TTF1: variants seen among roughly 807,000 people sequenced by gnomAD.
TTF1 encodes transcription termination factor 1.
Under a neutral mutation model 80.2 loss-of-function variants are expected in TTF1, and 64 were observed. The ratio of observed to expected loss-of-function variants is 0.80; its 90% CI spans 0.65 to 0.98. The LOEUF (loss-of-function observed/expected upper bound fraction) is 0.98, where lower values mean the gene tolerates loss of function less well. Among genes scored for constraint, TTF1 ranks in the 50% least tolerant of loss-of-function variants. The probability of loss-of-function intolerance (pLI) is 0.00; values close to 1 mark genes in which losing one functional copy is unlikely to be tolerated. For missense variants in TTF1, 1,023 were observed against 1,086.2 expected, an observed-to-expected ratio of 0.94 and a Z score of 0.82; for synonymous variants, 372 against 382.7, an observed-to-expected ratio of 0.97 and a Z score of 0.33.
At chr9:132,401,251 G>A (rs1039055283) in intron 2 of TTF1, among the ~76,000 whole-genome samples, 1 of 151,956 alleles carries the variant, frequency 6.6e-6, no homozygotes, top group Non-Finnish European at 1.5e-5. Flanking sequence ...GCTTGAACCC[G>A]GGAAGTGGAG....
Position 132,402,772 on chromosome 9 carries a change from T to C in TTF1, c.50A>G (p.Lys17Arg). The C allele has an allele frequency of 6.2e-7, 1 of 1,601,050 alleles. No homozygotes were observed. Among genetic ancestry groups the C allele is most frequent in the South Asian group, 1.1e-5 (1 of 88,048 alleles). The change falls in exon 2 of 11, where the codon AAG becomes AGG. Residue 17 changes from lysine to arginine, a missense_variant. Lys to Arg is a conservative substitution (Grantham distance 26). Coordinates refer to ENST00000334270, the MANE Select transcript of TTF1 (RefSeq NM_007344.4). ...ATGTATAGAACACTTTTTCTTTTTC[T>C]TGTCAGAAACTGGAGTGTGGATTTC... ...RFEIHTPVSD[K>R]KKKKCSIHKE...
rs143381254 is a variant in TTF1 at position 132,391,732 on chromosome 9, C to T, written c.1987+344G>A. Among the ~76,000 whole-genome samples the T allele has an allele frequency of 3.5e-3, 534 of 152,336 alleles. 1 individual carries two copies. The highest frequency in any genetic ancestry group is 5.6e-3 in the Non-Finnish European group (383 of 68,030). ...GTCCCCGCCTGACGGGCACGAACTG[C>T]GTGCCTGCCTCCCTCCCAACGTGTC... On this transcript the variant is annotated intron_variant, in intron 6 of 10. Coordinates refer to ENST00000334270, the MANE Select transcript of TTF1 (RefSeq NM_007344.4).
At chr9:132,378,750 G>A (rs560103350) in intron 10 of TTF1, among the ~76,000 whole-genome samples, 2 of 151,966 alleles carry the variant, frequency 1.3e-5, no homozygotes, top group East Asian at 3.9e-4. Context: ...TGTGGTGCAC[G>A]GGCATGTCAT....
At chr9:132,399,310 C>T (rs78990129) in intron 3 of TTF1, among the ~76,000 whole-genome samples, 4,832 of 151,208 alleles carry the variant, frequency 0.032, 136 homozygotes, top group Non-Finnish European at 0.044. Context: ...ATTGTGTGTA[C>T]GTGGGTAGTG....
rs1370151522 is a variant in TTF1 at position 132,398,237 on chromosome 9, C to G, written c.1681G>C (p.Glu561Gln). ...VEDFLALTGI[E>Q]SADKLLYTDR... ...GTGTACAGCAGCTTGTCTGCACTCT[C>G]AATGCCTGTCAGGGCTAGAAAGTCT... The change falls in exon 4 of 11, where the codon GAG becomes CAG. Residue 561 changes from glutamate (E) to glutamine (Q), a missense_variant. Coordinates refer to ENST00000334270, the MANE Select transcript of TTF1 (RefSeq NM_007344.4). 3.1e-6 allele frequency: 5 copies of G among 1,608,396 alleles called. No individual in the cohort carries two copies. The highest frequency in any genetic ancestry group is 4.2e-6 in the Non-Finnish European group (5 of 1,178,350).
rs368739388 is a variant in TTF1 at position 132,383,687 on chromosome 9, G to A, written c.2378+2869C>T. Among the ~76,000 whole-genome samples the A allele has an allele frequency of 3.3e-5, 5 of 152,070 alleles. No individual in the cohort carries two copies. The East Asian group carries it at 9.6e-4, about 29-fold the overall frequency. ...TCGGTGGCAGGTGGGCTGGAGGGAG[G>A]GCTGGTCTGATTTATTTGGTCCAGA... On this transcript the variant is annotated intron_variant, in intron 9 of 10. Coordinates refer to ENST00000334270, the MANE Select transcript of TTF1 (RefSeq NM_007344.4).
At chr9:132,387,297 C>T (rs183781474) in intron 8 of TTF1, among the ~76,000 whole-genome samples, 33 of 152,250 alleles carry the variant, frequency 2.2e-4, no homozygotes, top group East Asian at 2.1e-3. Flanking sequence ...ACCCTCCCCC[C>T]CCAATCTACA....
intron 1 of TTF1, among the ~76,000 whole-genome samples, chr9:132,406,409 C>A (rs1849867864): frequency 1.3e-5 from 2 of 152,134 alleles, no homozygotes; most frequent in Non-Finnish European, 1.5e-5. Context: ...CGAGACCAGC[C>A]TGGCCAACAT....
At chr9:132,401,104 C>T (rs1564190455) in intron 2 of TTF1, among the ~76,000 whole-genome samples, 2 of 151,992 alleles carry the variant, frequency 1.3e-5, no homozygotes, top group Non-Finnish European at 2.9e-5. Flanking sequence ...CTGAGGCAGG[C>T]GGATCACCTG....
intron 3 of TTF1, 151 bp from the exon 4 acceptor site, chr9:132,398,477 GC>G (rs1172457077): frequency 2.7e-6 from 2 of 751,586 alleles, no homozygotes; most frequent in Non-Finnish European, 4.1e-6. Flanking sequence ...TGCAGATTTG[GC>G]CTTTCCTTCA....
At chr9:132,378,618 A>T (rs1435290101) in intron 10 of TTF1, among the ~76,000 whole-genome samples, 14 of 113,098 alleles carry the variant, frequency 1.2e-4, no homozygotes, top group African/African-American at 5.4e-4. Flanking sequence ...ATGTGGTGTG[A>T]GTGCATGTGG....
In TTF1 at chr9:132,392,074, A is replaced by G. The variant is rs767059609; in HGVS notation, c.1987+2T>C. 6.2e-7 allele frequency: 1 copy of G among 1,613,822 alleles called. No individual in the cohort carries two copies. Among genetic ancestry groups the G allele is most frequent in the Non-Finnish European group, 8.5e-7 (1 of 1,179,982 alleles). On this transcript the variant is annotated splice_donor_variant, in intron 6 of 10. Coordinates refer to ENST00000334270, the MANE Select transcript of TTF1 (RefSeq NM_007344.4). LOFTEE classifies it high-confidence loss of function. ...AGGTGGGCACTGGGGGCTGCCACTT[A>G]CGACTGCTGATCTGTGAGAACTTGA... is the stretch of plus-strand genomic sequence containing the variant.
At chr9:132,378,196 C>A (rs1849275054) in intron 10 of TTF1, among the ~76,000 whole-genome samples, 1 of 100,890 alleles carries the variant, frequency 9.9e-6, no homozygotes, top group Non-Finnish European at 1.9e-5. Flanking sequence ...GGTGTGAGTG[C>A]ATGTGCGTGT....
intron 9 of TTF1, among the ~76,000 whole-genome samples, chr9:132,383,739 A>G (rs1174428988): frequency 2.0e-5 from 3 of 152,138 alleles, no homozygotes; most frequent in Non-Finnish European, 4.4e-5. Context: ...TCTCGAATAA[A>G]CACACACATT....
chr9:132,396,324 C>A (rs189334135), intron 5 of TTF1, 109 bp downstream of exon 5: 1 of 1,149,808 alleles, frequency 8.7e-7, no homozygotes, highest in African/African-American at 1.5e-5. Flanking sequence ...TTCACACACA[C>A]AAATCTGCGT....
At chr9:132,378,782 G>A (rs1042576299) in intron 10 of TTF1, among the ~76,000 whole-genome samples, 10 of 151,952 alleles carry the variant, frequency 6.6e-5, no homozygotes, top group African/African-American at 1.5e-4. Context: ...CTGTGTGCAC[G>A]AGTGTGTGTG....
At chr9:132,390,247 T>C (rs1021525559) in intron 7 of TTF1, among the ~76,000 whole-genome samples, 2 of 152,242 alleles carry the variant, frequency 1.3e-5, no homozygotes, top group Non-Finnish European at 2.9e-5. Context: ...CCCAAAGTGT[T>C]GGGATTACAC....
chr9:132,406,364 G>A (rs945759273), intron 1 of TTF1, among the ~76,000 whole-genome samples: 2 of 152,168 alleles, frequency 1.3e-5, no homozygotes, highest in African/African-American at 2.4e-5. Flanking sequence ...CACTTTGAGA[G>A]GCCGAGGCGG....
chr9:132,397,988 A>G (rs2131644471), intron 4 of TTF1, among the ~76,000 whole-genome samples, 153 bp downstream of exon 4: 1 of 151,686 alleles, frequency 6.6e-6, no homozygotes, highest in South Asian at 2.1e-4. Flanking sequence ...TCCGTCTCAA[A>G]AAAAAAAAAA....
Sources: allele counts gnomAD v4.1 joint callset (sites outside exome capture counted in the v4.1 genomes callset), GRCh38; gene constraint gnomAD v4.1.1; transcripts MANE v1.5; gene names NCBI Gene and HGNC (gene_info 2026-07-23, HGNC 2026-07-21).